SOAT2: variants seen among roughly 807,000 people sequenced by gnomAD.
SOAT2 encodes ACAT-2.
In SOAT2, 87 loss-of-function variants were observed where a neutral mutation model predicts 76.0. The ratio of observed to expected loss-of-function variants is 1.14; its 90% CI spans 0.96 to 1.37. The LOEUF (loss-of-function observed/expected upper bound fraction) is 1.37. Ranked by LOEUF, SOAT2 falls within the 40% of genes most tolerant of loss-of-function variation. The pLI is 0.00. For synonymous variants in SOAT2, 285 were observed against 275.4 expected (o/e 1.03, Z -0.34); for missense variants, 686 against 682.1 (o/e 1.01, Z -0.06).
At chr12:53,104,030 T>G in intron 1 of SOAT2, 121 bp from the exon 2 acceptor site, 1 of 858,622 alleles carries the variant, frequency 1.2e-6, no homozygotes, top group Non-Finnish European at 2.0e-6. Flanking sequence ...ATACTAGATA[T>G]TGGCTGGTTG....
intron 7 of SOAT2, 46 bp downstream of exon 7, chr12:53,116,212 G>A: frequency 6.5e-7 from 1 of 1,534,276 alleles, no homozygotes; most frequent in Non-Finnish European, 9.0e-7. Flanking sequence ...CCTCTTGGCT[G>A]ACTGAATGAA....
At position 53,115,493 on chromosome 12, in the gene SOAT2, C is replaced by G. The variant is rs545072906; in HGVS notation, c.547C>G (p.Gln183Glu). ...TCTGTCCACCCTGTTGGCGCCGTAC[C>G]AGGCCCTACGGCTGTGGGCCAGGGG... ...MFLSTLLAPY[Q>E]ALRLWARGTW... Residue 183 changes from glutamine (Q) to glutamate (E), a missense_variant, in exon 6 of 15, where the codon CAG becomes GAG. Gln to Glu is a conservative substitution (Grantham distance 29). Transcript: ENST00000301466. The G allele has an allele frequency of 6.2e-7, 1 of 1,610,598 alleles. No individual in the cohort carries two copies. Among genetic ancestry groups the G allele is most frequent in the South Asian group, 1.1e-5 (1 of 91,020 alleles).
intron 7 of SOAT2, among the ~76,000 whole-genome samples, chr12:53,116,807 G>A (rs1938112429): frequency 6.6e-6 from 1 of 151,744 alleles, no homozygotes; most frequent in South Asian, 2.1e-4. Context: ...GGTGAAGGCT[G>A]CAGTGAGCCA....
Position 53,116,139 on chromosome 12 carries a change from G to A in SOAT2, c.751G>A (p.Val251Met), listed in dbSNP as rs372664178. The change falls in exon 7 of 15, where the codon GTG becomes ATG. Residue 251 changes from valine (V) to methionine (M), a missense_variant. Transcript: ENST00000301466. ...AAGCTACTCCTTCCTGAGAGAGGCT[G>A]TGCCTGGGACCCTTCGTGCCAGACG... ...MKSYSFLREA[V>M]PGTLRARRGE... 6.2e-7 allele frequency: 1 copy of A among 1,614,206 alleles called. No homozygotes were observed.
intron 2 of SOAT2, 106 bp from the exon 3 acceptor site, chr12:53,105,001 A>ATTT (rs1937908085): frequency 9.0e-7 from 1 of 1,105,286 alleles, no homozygotes; most frequent in Non-Finnish European, 1.2e-6. Flanking sequence ...TTTTTTTTTA[A>ATTT]AAAAAGCACT....
intron 4 of SOAT2, 30 bp downstream of exon 4, chr12:53,105,650 G>A: frequency 6.3e-7 from 1 of 1,586,282 alleles, no homozygotes. Context: ...AGTAATGGGA[G>A]GAAAAGAAAG....
At chr12:53,122,206 CTTTT>C (rs55672871) in intron 12 of SOAT2, among the ~76,000 whole-genome samples, 23 of 111,106 alleles carry the variant, frequency 2.1e-4, no homozygotes, top group South Asian at 6.1e-4. Flanking sequence ...GGTGGGGGCT[CTTTT>C]TTTTTTTTTT....
At chr12:53,121,966 C>A (rs1938197352) in intron 12 of SOAT2, among the ~76,000 whole-genome samples, 1 of 151,614 alleles carries the variant, frequency 6.6e-6, no homozygotes, top group African/African-American at 2.4e-5. Flanking sequence ...TGCCACCATG[C>A]TCAGCTAATT....
Position 53,120,850 on chromosome 12 carries a change from G to A in SOAT2, c.1104G>A (p.Glu368=), listed in dbSNP as rs151036777. The stretch of plus-strand genomic sequence containing the variant: ...ATTGCTGGCTCAACGCCTTTGCCGA[G>A]ATGCTACGATTTGGAGACAGGATGT... ...FLHCWLNAFA[E]MLRFGDRMFY... The change falls in exon 11 of 15, where the codon GAG becomes GAA. Residue 368 remains glutamate, a synonymous_variant. Coordinates refer to ENST00000301466, the MANE Select transcript of SOAT2 (RefSeq NM_003578.4). The A allele has an allele frequency of 1.9e-6, 3 of 1,614,030 alleles. No homozygotes were observed. The African/African-American group carries it at 4.0e-5, about 22-fold the overall frequency.
intron 2 of SOAT2, 141 bp from the exon 3 acceptor site, chr12:53,104,966 A>C (rs1592274464): frequency 7.6e-4 from 481 of 633,202 alleles, no homozygotes; most frequent in Middle Eastern, 2.7e-3. Flanking sequence ...CTGAACCCCC[A>C]TCCCTGCTGA....
intron 1 of SOAT2, 26 bp from the exon 2 acceptor site, chr12:53,104,125 A>T: frequency 6.2e-7 from 1 of 1,607,950 alleles, no homozygotes; most frequent in East Asian, 2.2e-5. Context: ...CCTCCTGTTG[A>T]CTGTGCCTTT....
chr12:53,119,649 G>GTCTCATCCTACAACAAGCCCT (rs1381570915), intron 10 of SOAT2, among the ~76,000 whole-genome samples: 50,497 of 151,860 alleles, frequency 0.33, 10,621 homozygotes, highest in African/African-American at 0.61. Flanking sequence ...GCCTATCTGG[G>GTCTCATCCTACAACAAGCCCT]GGAAGATATG....
intron 5 of SOAT2, among the ~76,000 whole-genome samples, chr12:53,109,223 C>T (rs763288024): frequency 7.9e-5 from 12 of 151,836 alleles, no homozygotes; most frequent in East Asian, 3.9e-4. Flanking sequence ...GGTGACAGAG[C>T]GAGACTCCAT....
intron 10 of SOAT2, among the ~76,000 whole-genome samples, chr12:53,120,419 A>G (rs1938172948): frequency 6.6e-6 from 1 of 152,106 alleles, no homozygotes; most frequent in Admixed American, 6.5e-5. Flanking sequence ...CAGTGAGCTG[A>G]GATCGTGCCA....
chr12:53,115,313 CAGG>C (rs1938083083), intron 5 of SOAT2, 74 bp from the exon 6 acceptor site: 6 of 1,474,368 alleles, frequency 4.1e-6, no homozygotes, highest in Middle Eastern at 4.1e-4. Flanking sequence ...GTTCATCTTC[CAGG>C]AGCTCAGACT....
At chr12:53,120,239 G>A (rs1342678502) in intron 10 of SOAT2, among the ~76,000 whole-genome samples, 1 of 152,194 alleles carries the variant, frequency 6.6e-6, no homozygotes, top group Non-Finnish European at 1.5e-5. Context: ...GGAGGCTAAG[G>A]TGGGTGGATC....
At chr12:53,109,507 A>G (rs1256101574) in intron 5 of SOAT2, among the ~76,000 whole-genome samples, 1 of 152,018 alleles carries the variant, frequency 6.6e-6, no homozygotes, top group Non-Finnish European at 1.5e-5. Context: ...TTTGAGACAG[A>G]GTCTCACTCC....
chr12:53,109,529 T>C (rs1937982505), intron 5 of SOAT2, among the ~76,000 whole-genome samples: 1 of 152,162 alleles, frequency 6.6e-6, no homozygotes, highest in African/African-American at 2.4e-5. Context: ...TCACCCAGGC[T>C]GGAGTACAGT....
At chr12:53,121,240 G>T in intron 11 of SOAT2, 63 bp from the exon 12 acceptor site, 2 of 1,192,444 alleles carry the variant, frequency 1.7e-6, no homozygotes, top group Non-Finnish European at 1.3e-6. Context: ...GAGCAGTGGG[G>T]AGGAGCCGGA....
Sources: allele counts gnomAD v4.1 joint callset (sites outside exome capture counted in the v4.1 genomes callset), GRCh38; gene constraint gnomAD v4.1.1; transcripts MANE v1.5; gene names NCBI Gene and HGNC (gene_info 2026-07-23, HGNC 2026-07-21).